The following MAF variants were observed in gnomAD, a reference collection of about 807,000 sequenced individuals.
The protein encoded by MAF is transcription factor Maf.
Under a neutral mutation model 22.0 loss-of-function variants are expected in MAF, and 10 were observed. The ratio of observed to expected loss-of-function variants is 0.45; its 90% CI spans 0.28 to 0.77. The LOEUF (loss-of-function observed/expected upper bound fraction) is 0.77. Among genes scored for constraint, MAF ranks in the 30% least tolerant of loss-of-function variants. The pLI is 0.12. For missense variants in MAF, 544 were observed against 548.4 expected, an observed-to-expected ratio of 0.99 and a Z score of 0.08; for synonymous variants, 337 against 255.8, an observed-to-expected ratio of 1.32 and a Z score of -3.03.
At chr16:79,272,005 A>G in the MAF span, among the ~76,000 whole-genome samples, 1 of 152,160 alleles carries the variant, frequency 6.6e-6, no homozygotes, top group Non-Finnish European at 1.5e-5. Context: ...AAATTCTCCA[A>G]ATAGGTCCGT....
chr16:79,593,637 C>A (rs1287024095), downstream of MAF, among the ~76,000 whole-genome samples: 1 of 152,154 alleles, frequency 6.6e-6, no homozygotes, highest in African/African-American at 2.4e-5. Context: ...GTCTCCGTAG[C>A]AGATTTATTT....
chr16:79,428,849 A>AAATAATAATAATAATAATAATAATAAT, the MAF span, among the ~76,000 whole-genome samples: 1 of 146,596 alleles, frequency 6.8e-6, no homozygotes, highest in South Asian at 2.3e-4. Context: ...TGTCTCAGAA[A>AAATAATAATAATAATAATAATAATAAT]AATAATAATA....
chr16:79,230,063 C>A, the MAF span, among the ~76,000 whole-genome samples: 5 of 152,074 alleles, frequency 3.3e-5, no homozygotes, highest in Non-Finnish European at 5.9e-5. Flanking sequence ...ATATCGATCA[C>A]TGAGAATGTA....
the MAF span, among the ~76,000 whole-genome samples, chr16:79,211,341 G>C: frequency 6.6e-6 from 1 of 152,270 alleles, no homozygotes; most frequent in Non-Finnish European, 1.5e-5. Flanking sequence ...ATTGATATGT[G>C]TATTTATTTT....
the MAF span, among the ~76,000 whole-genome samples, chr16:79,478,591 C>A: frequency 6.6e-6 from 1 of 152,166 alleles, no homozygotes; most frequent in African/African-American, 2.4e-5. Context: ...CAGAGAACCA[C>A]CCCTGTATAC....
chr16:79,242,890 A>G, the MAF span, among the ~76,000 whole-genome samples: 58 of 152,122 alleles, frequency 3.8e-4, no homozygotes, highest in Non-Finnish European at 4.6e-4. Context: ...CTCAAGATTT[A>G]AAAACTCACT....
chr16:79,258,363 C>A, the MAF span, among the ~76,000 whole-genome samples: 4 of 152,222 alleles, frequency 2.6e-5, no homozygotes, highest in Admixed American at 2.6e-4. Flanking sequence ...CCAACTTCCA[C>A]ACTCTGAATC....
chr16:79,479,750 G>C, the MAF span, among the ~76,000 whole-genome samples: 3 of 152,194 alleles, frequency 2.0e-5, no homozygotes, highest in Non-Finnish European at 4.4e-5. Flanking sequence ...TACGTGCTAA[G>C]GTCTGTGCTG....
the MAF span, among the ~76,000 whole-genome samples, chr16:79,490,182 A>G: frequency 6.6e-6 from 1 of 152,238 alleles, no homozygotes; most frequent in African/African-American, 2.4e-5. Context: ...CCTAATGTTG[A>G]AATGGCAGTG....
chr16:79,471,118 C>G, the MAF span, among the ~76,000 whole-genome samples: 1 of 152,184 alleles, frequency 6.6e-6, no homozygotes, highest in South Asian at 2.1e-4. Flanking sequence ...TCCTACCTGG[C>G]CTGCCTTCCT....
At chr16:79,538,612 G>T in the MAF span, among the ~76,000 whole-genome samples, 2 of 152,178 alleles carry the variant, frequency 1.3e-5, no homozygotes, top group African/African-American at 2.4e-5. Flanking sequence ...AAACATGGAA[G>T]AAATTTTATC....
At chr16:79,383,245 G>C in the MAF span, among the ~76,000 whole-genome samples, 1 of 152,132 alleles carries the variant, frequency 6.6e-6, no homozygotes, top group African/African-American at 2.4e-5. Context: ...GTGGGGATAA[G>C]AGATAAAGAA....
At chr16:79,291,079 A>T in the MAF span, among the ~76,000 whole-genome samples, 1 of 152,166 alleles carries the variant, frequency 6.6e-6, no homozygotes. Flanking sequence ...CATCTCCCAT[A>T]GGACCCATTA....
downstream of MAF, among the ~76,000 whole-genome samples, chr16:79,589,661 C>G (rs1304706595): frequency 1.3e-5 from 2 of 152,190 alleles, no homozygotes; most frequent in African/African-American, 4.8e-5. Flanking sequence ...AGTCTTGCTC[C>G]CTCCCTCCAG....
At chr16:79,443,450 C>T in the MAF span, among the ~76,000 whole-genome samples, 2 of 152,248 alleles carry the variant, frequency 1.3e-5, no homozygotes, top group East Asian at 1.9e-4. Context: ...GGTTGGATGG[C>T]CCAAGCCTGG....
the MAF span, among the ~76,000 whole-genome samples, chr16:79,250,895 T>A: frequency 2.6e-5 from 4 of 152,104 alleles, no homozygotes; most frequent in African/African-American, 9.7e-5. Flanking sequence ...ACTGGGACAG[T>A]CCCAAGCAGA....
chr16:79,505,917 A>G, the MAF span, among the ~76,000 whole-genome samples: 2 of 152,126 alleles, frequency 1.3e-5, no homozygotes, highest in African/African-American at 2.4e-5. Context: ...CCCAACGCAA[A>G]GAACAATGGA....
At chr16:79,545,236 G>C in the MAF span, among the ~76,000 whole-genome samples, 2 of 152,166 alleles carry the variant, frequency 1.3e-5, no homozygotes, top group Non-Finnish European at 2.9e-5. Flanking sequence ...TCAGACACAG[G>C]ACATTGTTTT....
At chr16:79,506,909 C>G in the MAF span, among the ~76,000 whole-genome samples, 1 of 152,072 alleles carries the variant, frequency 6.6e-6, no homozygotes, top group Non-Finnish European at 1.5e-5. Flanking sequence ...AGGGTTGAAA[C>G]CAAAGAAATG....
Sources: gnomAD v4.1 joint callset for allele counts (sites outside exome capture counted in the v4.1 genomes callset) on GRCh38, gnomAD v4.1.1 for gene constraint, MANE v1.5 for transcripts, NCBI Gene and HGNC (gene_info 2026-07-23, HGNC 2026-07-21) for gene names.